The following MAP3K5 variants were observed in gnomAD, a reference collection of about 807,000 sequenced individuals.
The protein encoded by MAP3K5 is ASK-1.
MAP3K5 carries 56 observed loss-of-function variants against 158.7 expected under a neutral mutation model. The ratio of observed to expected loss-of-function variants is 0.35; its 90% CI spans 0.28 to 0.44. MAP3K5 has a LOEUF of 0.44. Among genes scored for constraint, MAP3K5 ranks in the 20% least tolerant of loss-of-function variants. The pLI, the probability that MAP3K5 is intolerant of heterozygous loss-of-function variation, is 1.00. For synonymous variants in MAP3K5, 579 were observed against 601.7 expected, an observed-to-expected ratio of 0.96 and a Z score of 0.55; for missense variants, 1,294 against 1,674.8, an observed-to-expected ratio of 0.77 and a Z score of 3.97.
At chr6:136,779,960 C>T (rs1784550419) in intron 1 of MAP3K5, among the ~76,000 whole-genome samples, 1 of 152,240 alleles carries the variant, frequency 6.6e-6, no homozygotes, top group Non-Finnish European at 1.5e-5. Context: ...GCAGAGACAA[C>T]AGGTCCTTTA....
intron 15 of MAP3K5, among the ~76,000 whole-genome samples, chr6:136,617,117 T>C (rs1776599469): frequency 6.6e-6 from 1 of 152,202 alleles, no homozygotes; most frequent in Non-Finnish European, 1.5e-5. Flanking sequence ...GCAATATCCT[T>C]ACCTCATTAC....
chr6:136,664,605 G>A (rs1309437240), intron 8 of MAP3K5, among the ~76,000 whole-genome samples: 2 of 152,124 alleles, frequency 1.3e-5, no homozygotes, highest in African/African-American at 4.8e-5. Context: ...CCTATTAAGA[G>A]AACTTTAGAT....
At chr6:136,719,262 A>G (rs1583472788) in intron 2 of MAP3K5, among the ~76,000 whole-genome samples, 2 of 152,202 alleles carry the variant, frequency 1.3e-5, no homozygotes, top group South Asian at 4.1e-4. Context: ...ATCAAATGCT[A>G]ATATGGGTTG....
intron 11 of MAP3K5, among the ~76,000 whole-genome samples, chr6:136,644,624 C>T (rs1201514512): frequency 6.6e-6 from 1 of 152,222 alleles, no homozygotes; most frequent in African/African-American, 2.4e-5. Flanking sequence ...CCCTCAGCAA[C>T]TGTCATTCCA....
At position 136,592,209 on chromosome 6, in the gene MAP3K5, G is replaced by T; in HGVS notation, c.3189C>A (p.Asp1063Glu). ...ATTCCATTAGGTTTCTCACAATTTT[G>T]TCTTGGTCTTCCGTCAGGATCCTGT... ...TLHRILTEDQ[D>E]KIVRNLMESL... Residue 1063 changes from aspartate to glutamate, a missense_variant, in exon 23 of 30, where the codon GAC becomes GAA. This residue lies in a region of MAP3K5 where 362 missense variants were observed against 463.2 expected (regional missense o/e 0.78). Transcript: ENST00000359015. 1 of 1,603,378 alleles carries T rather than the reference G, an allele frequency of 6.2e-7. No individual in the cohort carries two copies. The highest frequency in any genetic ancestry group is 8.5e-7 in the Non-Finnish European group (1 of 1,175,906).
chr6:136,681,969 A>G (rs1779958416), intron 7 of MAP3K5, among the ~76,000 whole-genome samples: 1 of 152,170 alleles, frequency 6.6e-6, no homozygotes, highest in East Asian at 1.9e-4. Context: ...ATGCCATAAC[A>G]CAGCTTCATC....
intron 23 of MAP3K5, among the ~76,000 whole-genome samples, chr6:136,587,350 T>C (rs975471729): frequency 1.3e-5 from 2 of 152,246 alleles, no homozygotes; most frequent in African/African-American, 4.8e-5. Flanking sequence ...TGCTTGATAA[T>C]GATAACAATA....
intron 28 of MAP3K5, among the ~76,000 whole-genome samples, chr6:136,559,181 T>C (rs1258969167): frequency 6.6e-6 from 1 of 152,068 alleles, no homozygotes; most frequent in Non-Finnish European, 1.5e-5. Context: ...TGAAACCCCA[T>C]CTCTACTAAA....
In MAP3K5 at chr6:136,558,321, G is replaced by A. The variant is rs75159442; in HGVS notation, c.4064+479C>T. 0.012 allele frequency among the ~76,000 whole-genome samples: 1,879 copies of A among 151,956 alleles called. 88 individuals are homozygous for A. In the East Asian group the frequency reaches 0.14, roughly 11 times the overall value. ...GTGAACCTGGGAGGCGGAGCTTGCAGTGAGCTGAGATCACGCCACTGCACT... is the reference window on the plus strand; with the variant it reads ...GTGAACCTGGGAGGCGGAGCTTGCAATGAGCTGAGATCACGCCACTGCACT... On this transcript the variant is annotated intron_variant, in intron 29 of 29. Transcript: ENST00000359015.
At chr6:136,583,901 G>A (rs138680027) in intron 23 of MAP3K5, among the ~76,000 whole-genome samples, 161 bp from the exon 24 acceptor site, 1 of 151,952 alleles carries the variant, frequency 6.6e-6, no homozygotes, top group African/African-American at 2.4e-5. Flanking sequence ...GGGCTCAAGC[G>A]AGCCTCCCAT....
At chr6:136,673,060 A>G (rs1366749293) in intron 7 of MAP3K5, among the ~76,000 whole-genome samples, 3 of 152,090 alleles carry the variant, frequency 2.0e-5, no homozygotes, top group Non-Finnish European at 4.4e-5. Flanking sequence ...AAAGAGCTAA[A>G]CACAAAACTC....
At chr6:136,777,712 A>C (rs1472454235) in intron 1 of MAP3K5, among the ~76,000 whole-genome samples, 1 of 152,212 alleles carries the variant, frequency 6.6e-6, no homozygotes, top group Non-Finnish European at 1.5e-5. Context: ...ATGTATATCA[A>C]ATTACAGATA....
At chr6:136,758,961 C>A (rs1021535426) in intron 1 of MAP3K5, among the ~76,000 whole-genome samples, 2 of 152,104 alleles carry the variant, frequency 1.3e-5, no homozygotes, top group Non-Finnish European at 2.9e-5. Context: ...TCACTTGAGG[C>A]CAGAAGTTTG....
At chr6:136,576,993 G>T (rs903592933) in intron 25 of MAP3K5, among the ~76,000 whole-genome samples, 10 of 151,890 alleles carry the variant, frequency 6.6e-5, no homozygotes, top group African/African-American at 2.4e-4. Context: ...CTAGGTTTGT[G>T]TAAGTCCACT....
chr6:136,645,256 A>G (rs891644796), intron 11 of MAP3K5, among the ~76,000 whole-genome samples: 1 of 152,192 alleles, frequency 6.6e-6, no homozygotes, highest in Non-Finnish European at 1.5e-5. Context: ...AATATGAAAT[A>G]CCATTTCTTT....
chr6:136,784,072 C>G (rs1784735797), intron 1 of MAP3K5, among the ~76,000 whole-genome samples: 1 of 152,216 alleles, frequency 6.6e-6, no homozygotes, highest in Non-Finnish European at 1.5e-5. Flanking sequence ...AAAAGGCTGG[C>G]TCCAGCCAAG....
intron 11 of MAP3K5, among the ~76,000 whole-genome samples, chr6:136,644,184 A>AG (rs1360328722): frequency 2.6e-5 from 4 of 152,166 alleles, no homozygotes; most frequent in African/African-American, 9.7e-5. Context: ...GTAGGAAAGG[A>AG]GGGGAGCATT....
chr6:136,625,902 A>T (rs1777012334), intron 14 of MAP3K5, among the ~76,000 whole-genome samples: 1 of 152,190 alleles, frequency 6.6e-6, no homozygotes. Flanking sequence ...TAAAATATTT[A>T]AAAATGAGAA....
chr6:136,564,490 C>A (rs933286512), intron 26 of MAP3K5, among the ~76,000 whole-genome samples: 1 of 152,094 alleles, frequency 6.6e-6, no homozygotes, highest in African/African-American at 2.4e-5. Flanking sequence ...TCTTTCAAAA[C>A]AAATATTATC....
Sources: allele counts gnomAD v4.1 joint callset (sites outside exome capture counted in the v4.1 genomes callset), GRCh38; gene constraint gnomAD v4.1.1; regional missense constraint gnomAD v4.1.1; transcripts MANE v1.5; gene names NCBI Gene and HGNC (gene_info 2026-07-23, HGNC 2026-07-21).